Variants in C20orf203 observed in about 807,000 individuals in gnomAD.
C20orf203 encodes uncharacterized protein C20orf203.
A neutral mutation model predicts 15.9 loss-of-function variants in C20orf203; 16 were observed. That is an observed-to-expected ratio of 1.01 (90% CI 0.68 to 1.53). The LOEUF is 1.53. Ranked by LOEUF, C20orf203 falls within the 40% of genes most tolerant of loss-of-function variation. C20orf203 has a pLI of 0.00. For synonymous variants in C20orf203, 98 were observed against 97.2 expected (o/e 1.01, Z -0.05); for missense variants, 263 against 247.5 (o/e 1.06, Z -0.42).
rs189243610 is a variant in C20orf203, at chr20:32,634,068, G to A, written c.*1502C>T. On this transcript the variant is annotated 3_prime_UTR_variant, in exon 6 of 6. Transcript: ENST00000608990. ...GTTCTACCCCGGTGTTGGGAATTCC[G>A]AGATGAATCCAGCCTGAGCTTTGTC... is the stretch of plus-strand genomic sequence containing the variant. The A allele has an allele frequency of 4.5e-5, 18 of 398,572 alleles. No homozygotes were observed. Among genetic ancestry groups the A allele is most frequent in the Non-Finnish European group, 6.6e-5 (15 of 226,080 alleles). 24.7% of individuals were successfully genotyped at this position (398,572 alleles called of 1,614,324 possible).
At position 32,671,938 on chromosome 20, in the gene C20orf203, G is replaced by A. The variant is rs6058802; in HGVS notation, c.-264+1694C>T. On this transcript the variant is annotated intron_variant, in intron 1 of 5. Coordinates refer to ENST00000608990, the MANE Select transcript of C20orf203 (RefSeq NM_182584.4). Reference sequence around the variant, plus strand: ...AGAGAGTTGCTGTTCAATGGGTATAGAGTTTCAGTCACACAGATAAAAATG... The same window carrying A: ...AGAGAGTTGCTGTTCAATGGGTATAAAGTTTCAGTCACACAGATAAAAATG... Among the ~76,000 whole-genome samples the A allele has an allele frequency of 2.0e-3, 306 of 151,518 alleles. 2 individuals carry two copies. The highest frequency in any genetic ancestry group is 7.0e-3 in the African/African-American group (290 of 41,318).
intron 4 of C20orf203, among the ~76,000 whole-genome samples, chr20:32,647,274 A>C (rs756137149): frequency 8.5e-5 from 13 of 152,054 alleles, no homozygotes; most frequent in Non-Finnish European, 1.8e-4. Flanking sequence ...GTGTGCCTAT[A>C]ATCCCATCTA....
chr20:32,642,243 C>T (rs889896008), intron 4 of C20orf203, among the ~76,000 whole-genome samples: 1 of 152,174 alleles, frequency 6.6e-6, no homozygotes, highest in Non-Finnish European at 1.5e-5. Flanking sequence ...CTGCACACAC[C>T]CCCATGGCAT....
At chr20:32,648,607 A>ATG (rs58582539) in intron 4 of C20orf203, among the ~76,000 whole-genome samples, 47,175 of 125,144 alleles carry the variant, frequency 0.38, 8,777 homozygotes, top group African/African-American at 0.46. Flanking sequence ...AATCTGGCTA[A>ATG]TTTTTTTTTT....
chr20:32,659,243 C>A (rs1407312826), intron 1 of C20orf203, among the ~76,000 whole-genome samples: 1 of 152,130 alleles, frequency 6.6e-6, no homozygotes. Context: ...GCCCCACACT[C>A]CAAAGACACT....
intron 5 of C20orf203, among the ~76,000 whole-genome samples, chr20:32,635,186 C>T (rs182699776): frequency 3.3e-5 from 5 of 149,310 alleles, no homozygotes; most frequent in Admixed American, 1.3e-4. Context: ...AGAGTGAGAC[C>T]GTGTCTCAAA....
At position 32,633,456 on chromosome 20, in the gene C20orf203, T is replaced by C. The variant is rs1038765244; in HGVS notation, c.*2114A>G. The C allele has an allele frequency of 6.6e-6, 1 of 152,184 alleles. No homozygotes were observed. The allele number at this position is 152,184 out of a possible 1,614,324, so 9.4% of individuals were successfully genotyped here. A position where few individuals can be genotyped will look rare whatever the true frequency, so the allele number is the denominator to read the frequency against. On this transcript the variant is annotated 3_prime_UTR_variant, in exon 6 of 6. Transcript: ENST00000608990. ...GACAACGAGGCACAGATAGAACTTGTGACAGGCGAACTGGGGTCAGATCTC... is the reference window on the plus strand; with the variant it reads ...GACAACGAGGCACAGATAGAACTTGCGACAGGCGAACTGGGGTCAGATCTC...
At chr20:32,668,119 C>T (rs546306788) in intron 1 of C20orf203, among the ~76,000 whole-genome samples, 3 of 152,184 alleles carry the variant, frequency 2.0e-5, no homozygotes, top group African/African-American at 4.8e-5. Flanking sequence ...TTCATCCGGA[C>T]ACCAGAGCAT....
chr20:32,663,066 A>T (rs757369440), intron 1 of C20orf203, among the ~76,000 whole-genome samples: 2 of 151,076 alleles, frequency 1.3e-5, no homozygotes, highest in Non-Finnish European at 1.5e-5. Context: ...CTCGTGCCTC[A>T]GCCTCCTGAG....
intron 4 of C20orf203, among the ~76,000 whole-genome samples, chr20:32,644,127 G>A (rs1479559272): frequency 1.3e-5 from 2 of 152,218 alleles, no homozygotes; most frequent in East Asian, 1.9e-4. Context: ...CAGGACAGAA[G>A]GTGGCGTCTG....
At chr20:32,637,859 T>A (rs1982177944) in intron 5 of C20orf203, among the ~76,000 whole-genome samples, 1 of 152,180 alleles carries the variant, frequency 6.6e-6, no homozygotes, top group African/African-American at 2.4e-5. Context: ...CGTCACTGTG[T>A]GTGCATGCAT....
At chr20:32,661,483 C>G (rs1219898518) in intron 1 of C20orf203, among the ~76,000 whole-genome samples, 5 of 152,184 alleles carry the variant, frequency 3.3e-5, no homozygotes, top group Non-Finnish European at 1.5e-5. Flanking sequence ...CAGCCCTGGC[C>G]CTCCAGAAAC....
intron 1 of C20orf203, among the ~76,000 whole-genome samples, chr20:32,671,923 T>A (rs891906328): frequency 7.3e-5 from 11 of 150,698 alleles, no homozygotes; most frequent in Non-Finnish European, 1.6e-4. Context: ...AGAGAGTTGC[T>A]GTTCAATGGG....
Position 32,644,358 on chromosome 20 carries a change from G to T in C20orf203, c.*1178-3671C>A, listed in dbSNP as rs565527869. ...AGCTACTCGGGAGGCTGAGGCAGGA[G>T]AATTGCTTGAACCCTGGAGGAAAAG... On this transcript the variant is annotated intron_variant, in intron 4 of 5. Coordinates refer to ENST00000608990, the MANE Select transcript of C20orf203 (RefSeq NM_182584.4). 2.6e-5 allele frequency among the ~76,000 whole-genome samples: 4 copies of T among 152,310 alleles called. No individual in the cohort carries two copies. In the East Asian group the frequency reaches 7.7e-4, roughly 29 times the overall value.
intron 1 of C20orf203, among the ~76,000 whole-genome samples, chr20:32,663,018 G>C (rs951579396): frequency 2.1e-5 from 3 of 145,920 alleles, no homozygotes; most frequent in Non-Finnish European, 3.0e-5. Context: ...GCTCAATCTC[G>C]GCTCACTGCA....
At chr20:32,644,977 C>T (rs1982383602) in intron 4 of C20orf203, among the ~76,000 whole-genome samples, 2 of 151,868 alleles carry the variant, frequency 1.3e-5, no homozygotes, top group Non-Finnish European at 2.9e-5. Context: ...GGGTTTGGCT[C>T]GCCAGCCCCA....
chr20:32,645,024 G>C (rs1196110943), intron 4 of C20orf203, among the ~76,000 whole-genome samples: 2 of 151,864 alleles, frequency 1.3e-5, no homozygotes, highest in Non-Finnish European at 1.5e-5. Context: ...GCCACACCTC[G>C]CTCTCCAGGC....
chr20:32,669,394 G>A (rs953763588), intron 1 of C20orf203, among the ~76,000 whole-genome samples: 7 of 152,178 alleles, frequency 4.6e-5, no homozygotes, highest in African/African-American at 7.2e-5. Context: ...TGCTCCCTTC[G>A]TAAGAGCCAT....
chr20:32,635,404 C>CAGG, intron 5 of C20orf203, among the ~76,000 whole-genome samples: 1 of 148,954 alleles, frequency 6.7e-6, no homozygotes, highest in Non-Finnish European at 1.5e-5. Context: ...GAGGCTGAGG[C>CAGG]AGAATTGCTT....
Sources: gnomAD v4.1 joint callset for allele counts (sites outside exome capture counted in the v4.1 genomes callset) on GRCh38, gnomAD v4.1.1 for gene constraint, MANE v1.5 for transcripts, NCBI Gene and HGNC (gene_info 2026-07-23, HGNC 2026-07-21) for gene names.